PAN3: variants seen among roughly 807,000 people sequenced by gnomAD.
PAN3 encodes the protein PAN2-PAN3 deadenylation complex subunit PAN3.
A neutral mutation model predicts 96.2 loss-of-function variants in PAN3; 19 were observed. That is an observed-to-expected ratio of 0.20 (90% CI 0.14 to 0.29). PAN3 has a LOEUF of 0.29. PAN3 is among the 10% of genes least tolerant of loss of function. The pLI is 1.00. For missense variants in PAN3, 882 were observed against 1,108.1 expected, an observed-to-expected ratio of 0.80 and a Z score of 2.90; for synonymous variants, 433 against 406.6, an observed-to-expected ratio of 1.06 and a Z score of -0.78.
At chr13:28,144,925 G>A (rs1316243289) in intron 1 of PAN3, among the ~76,000 whole-genome samples, 6 of 149,832 alleles carry the variant, frequency 4.0e-5, no homozygotes, top group Admixed American at 3.3e-4. Context: ...TCACCATCTT[G>A]GCCAGGCTGG....
intron 15 of PAN3, among the ~76,000 whole-genome samples, chr13:28,278,322 A>T (rs977836542): frequency 8.5e-5 from 13 of 152,358 alleles, no homozygotes; most frequent in Admixed American, 8.5e-4. Context: ...TTCAAATAAG[A>T]TGATTTATCT....
At chr13:28,234,590 G>T (rs146293194) in intron 6 of PAN3, among the ~76,000 whole-genome samples, 2 of 152,110 alleles carry the variant, frequency 1.3e-5, no homozygotes, top group African/African-American at 4.8e-5. Context: ...CCTTAGGAAA[G>T]TATGTCCTAA....
intron 5 of PAN3, chr13:28,215,109 G>A: frequency 2.4e-6 from 2 of 829,416 alleles, no homozygotes; most frequent in Admixed American, 3.5e-5. Flanking sequence ...TTGGAATTGT[G>A]ACAACATGCT....
At chr13:28,254,771 A>G (rs983160729) in intron 6 of PAN3, among the ~76,000 whole-genome samples, 1 of 152,122 alleles carries the variant, frequency 6.6e-6, no homozygotes, top group Non-Finnish European at 1.5e-5. Flanking sequence ...TAACTCGAGA[A>G]TTCCTATCCT....
intron 5 of PAN3, among the ~76,000 whole-genome samples, chr13:28,210,758 A>T (rs1358631878): frequency 1.3e-5 from 2 of 152,302 alleles, no homozygotes; most frequent in East Asian, 3.9e-4. Context: ...CAACAACAAA[A>T]AAAACCTTAT....
chr13:28,147,893 C>T (rs1275173595), intron 1 of PAN3, among the ~76,000 whole-genome samples: 1 of 150,098 alleles, frequency 6.7e-6, no homozygotes, highest in Non-Finnish European at 1.5e-5. Context: ...TTGGCATTCT[C>T]TCTCTTGCTT....
At chr13:28,280,653 C>T (rs547107322) in intron 16 of PAN3, 112 bp downstream of exon 16, 2 of 1,026,728 alleles carry the variant, frequency 1.9e-6, no homozygotes, top group Admixed American at 3.1e-5. Context: ...CCTCTGCCTC[C>T]TGGGTTCAAG....
intron 6 of PAN3, among the ~76,000 whole-genome samples, chr13:28,222,815 TTTTTAA>T (rs1179944049): frequency 6.6e-6 from 1 of 152,158 alleles, no homozygotes; most frequent in Non-Finnish European, 1.5e-5. Flanking sequence ...TAGTTACAAG[TTTTTAA>T]TTTAAAGTTT....
At chr13:28,174,673 C>G (rs530657417) in intron 2 of PAN3, among the ~76,000 whole-genome samples, 1 of 152,230 alleles carries the variant, frequency 6.6e-6, no homozygotes, top group Non-Finnish European at 1.5e-5. Context: ...GTTAGTTAAA[C>G]TTGGTAGTGA....
At chr13:28,147,955 T>A (rs538496511) in intron 1 of PAN3, among the ~76,000 whole-genome samples, 7 of 152,206 alleles carry the variant, frequency 4.6e-5, no homozygotes, top group African/African-American at 1.4e-4. Flanking sequence ...CTAGTTTGAT[T>A]TTTTTTTCTT....
chr13:28,164,516 GA>G (rs1416503088), intron 1 of PAN3, among the ~76,000 whole-genome samples: 4 of 152,182 alleles, frequency 2.6e-5, no homozygotes, highest in African/African-American at 9.7e-5. Flanking sequence ...GTACTTTTTG[GA>G]AAATGTCTTC....
intron 4 of PAN3, among the ~76,000 whole-genome samples, chr13:28,195,173 G>A (rs1474991562): frequency 1.3e-5 from 2 of 152,120 alleles, no homozygotes; most frequent in African/African-American, 4.8e-5. Context: ...ACTTTGGGAG[G>A]TGGTGGATGG....
At chr13:28,230,880 A>G (rs1882482687) in intron 6 of PAN3, among the ~76,000 whole-genome samples, 1 of 152,224 alleles carries the variant, frequency 6.6e-6, no homozygotes, top group African/African-American at 2.4e-5. Context: ...CAAGAAGAAA[A>G]AAATGGTTCT....
intron 1 of PAN3, among the ~76,000 whole-genome samples, chr13:28,169,221 G>GC (rs1873977807): frequency 9.2e-6 from 1 of 108,628 alleles, no homozygotes; most frequent in Non-Finnish European, 1.9e-5. Context: ...TTTTTTGTTT[G>GC]CTTTTTTTTT....
At chr13:28,148,268 A>G (rs911490928) in intron 1 of PAN3, among the ~76,000 whole-genome samples, 1 of 151,834 alleles carries the variant, frequency 6.6e-6, no homozygotes, top group Non-Finnish European at 1.5e-5. Context: ...GTTTTAAATT[A>G]TAGCGTGTGT....
chr13:28,226,151 C>A lies in PAN3; in HGVS notation c.1000+5773C>A, dbSNP rs532952344. On this transcript the variant is annotated intron_variant, in intron 6 of 18. Transcript: ENST00000380958. ...TTTCATTGTGCGTTTTAGGGCTCTA[C>A]GTTAAGTCTTTCAAGGCACAAAAAC... 4.6e-5 allele frequency among the ~76,000 whole-genome samples: 7 copies of A among 152,188 alleles called. No homozygotes were observed. The South Asian group carries it at 6.2e-4, about 13-fold the overall frequency.
At position 28,287,968 on chromosome 13, in the gene PAN3, T is replaced by C. The variant is rs747328720; in HGVS notation, c.2385-16T>C. The C allele has an allele frequency of 4.1e-5, 66 of 1,601,090 alleles. No homozygotes were observed. Among genetic ancestry groups the C allele is most frequent in the Non-Finnish European group, 5.6e-5 (66 of 1,175,600 alleles). On this transcript the variant is annotated splice_polypyrimidine_tract_variant and intron_variant, in intron 17 of 18. Coordinates refer to ENST00000380958, the MANE Select transcript of PAN3 (RefSeq NM_175854.8). ...TACAGCATGAGTTACTGAGGTAAAA[T>C]GTTCATTTCCCCCAGGTTTCAGAAG...
intron 1 of PAN3, 71 bp downstream of exon 1, chr13:28,139,158 C>A: frequency 3.2e-6 from 4 of 1,242,410 alleles, no homozygotes; most frequent in East Asian, 3.2e-5. Flanking sequence ...GCCCTGCTGC[C>A]GACGGGAGCT....
At chr13:28,235,682 T>TACACACACACAC (rs143752644) in intron 6 of PAN3, among the ~76,000 whole-genome samples, 115 of 123,448 alleles carry the variant, frequency 9.3e-4, no homozygotes, top group African/African-American at 3.8e-3. Context: ...TTCTCTAATA[T>TACACACACACAC]ACACACACAC....
Sources: allele counts gnomAD v4.1 joint callset (sites outside exome capture counted in the v4.1 genomes callset), GRCh38; gene constraint gnomAD v4.1.1; transcripts MANE v1.5; gene names NCBI Gene and HGNC (gene_info 2026-07-23, HGNC 2026-07-21).